PAK5: variants seen among roughly 807,000 people sequenced by gnomAD.
The protein encoded by PAK5 is p21 (RAC1) activated kinase 5.
PAK5 carries 16 observed loss-of-function variants against 65.9 expected under a neutral mutation model. The ratio of observed to expected loss-of-function variants is 0.24; its 90% confidence interval spans 0.16 to 0.37. PAK5 has a LOEUF of 0.37. PAK5 is among the 10% of genes least tolerant of loss of function. The probability of loss-of-function intolerance (pLI) is 1.00; values close to 1 mark genes in which losing one functional copy is unlikely to be tolerated. For missense variants in PAK5, 785 were observed against 903.9 expected (o/e 0.87, Z 1.69); for synonymous variants, 371 against 354.9 (o/e 1.05, Z -0.51).
At chr20:9,579,737 T>C (rs1239731333) in intron 4 of PAK5, among the ~76,000 whole-genome samples, 2 of 152,230 alleles carry the variant, frequency 1.3e-5, no homozygotes, top group Non-Finnish European at 2.9e-5. Context: ...AGCAGGTCTA[T>C]GCAAACTTTG....
intron 1 of PAK5, among the ~76,000 whole-genome samples, chr20:9,802,879 T>C (rs1411522704): frequency 2.1e-5 from 3 of 143,746 alleles, no homozygotes; most frequent in Admixed American, 7.0e-5. Flanking sequence ...ATTTTCATTT[T>C]ATTCCCTTCT....
chr20:9,627,965 T>C (rs1417394749), intron 3 of PAK5, among the ~76,000 whole-genome samples: 2 of 152,228 alleles, frequency 1.3e-5, no homozygotes, highest in African/African-American at 4.8e-5. Context: ...GAACTCACAC[T>C]TGTACGGTTT....
intron 2 of PAK5, among the ~76,000 whole-genome samples, chr20:9,672,242 G>A (rs1015581458): frequency 6.6e-6 from 1 of 150,880 alleles, no homozygotes; most frequent in Non-Finnish European, 1.5e-5. Context: ...AACTGGAAAT[G>A]CAACCCATTT....
In PAK5 at chr20:9,625,798, T is replaced by C. The variant is rs1207563920; in HGVS notation, c.204+18327A>G. 2.0e-5 allele frequency among the ~76,000 whole-genome samples: 3 copies of C among 152,236 alleles called. No homozygotes were observed. In the East Asian group the frequency reaches 5.8e-4, roughly 29 times the overall value. On this transcript the variant is annotated intron_variant, in intron 3 of 9. Transcript: ENST00000353224. ...AGCTTTGCTGGTTGCTGACAATTTA[T>C]AGGCTTGTCAATTCCTTGGCTTTAT...
At chr20:9,581,991 T>C (rs1327825311) in intron 3 of PAK5, among the ~76,000 whole-genome samples, 1 of 152,224 alleles carries the variant, frequency 6.6e-6, no homozygotes, top group South Asian at 2.1e-4. Flanking sequence ...GATCTATCCA[T>C]GGTGAAACAA....
chr20:9,574,562 G>A (rs1433860261), intron 4 of PAK5, among the ~76,000 whole-genome samples: 10 of 152,204 alleles, frequency 6.6e-5, no homozygotes, highest in Non-Finnish European at 1.5e-4. Context: ...AGAGAGCTAG[G>A]AACGGACAAT....
intron 1 of PAK5, among the ~76,000 whole-genome samples, chr20:9,717,705 T>C (rs2048166049): frequency 1.3e-5 from 2 of 152,196 alleles, no homozygotes; most frequent in South Asian, 4.1e-4. Context: ...TTGCAACCTC[T>C]GCCTCCCAGG....
rs941406923 is a variant in PAK5, at chr20:9,838,534, G to A, written c.-162+228C>T. 4.6e-5 allele frequency among the ~76,000 whole-genome samples: 7 copies of A among 152,180 alleles called. No homozygotes were observed. The highest frequency in any genetic ancestry group is 1.7e-4 in the African/African-American group (7 of 41,462). ...GTTGGTAGAGAGCCCAGGCTGGATA[G>A]TAGCGCATGGGTTGAGGGTGGGCGG... On this transcript the variant is annotated intron_variant, in intron 1 of 9. Coordinates refer to ENST00000353224, the MANE Select transcript of PAK5 (RefSeq NM_177990.4). This position sits in a 1 kb window ranked among gnomAD's most constrained non-coding sequence, Gnocchi z 4.5.
chr20:9,745,937 G>C (rs1380537105), intron 1 of PAK5, among the ~76,000 whole-genome samples: 1 of 151,976 alleles, frequency 6.6e-6, no homozygotes. Context: ...CAGTACTTGT[G>C]GCCTCAGCTT....
intron 2 of PAK5, among the ~76,000 whole-genome samples, chr20:9,680,196 A>C (rs2047630837): frequency 6.6e-6 from 1 of 152,222 alleles, no homozygotes; most frequent in African/African-American, 2.4e-5. Context: ...TGCCACAGAG[A>C]TAAAAGCATA....
chr20:9,571,437 A>C (rs886618431), intron 4 of PAK5, among the ~76,000 whole-genome samples: 2 of 152,218 alleles, frequency 1.3e-5, no homozygotes, highest in African/African-American at 4.8e-5. Flanking sequence ...ACTGCCCCCA[A>C]GCAATGCAGG....
intron 4 of PAK5, among the ~76,000 whole-genome samples, chr20:9,570,571 A>G (rs2045763395): frequency 9.2e-6 from 1 of 109,016 alleles, no homozygotes; most frequent in Non-Finnish European, 1.7e-5. Context: ...AAACAACTGG[A>G]TTCTTCCTTC....
chr20:9,761,507 C>A (rs1217224667), intron 1 of PAK5, among the ~76,000 whole-genome samples: 2 of 152,090 alleles, frequency 1.3e-5, no homozygotes, highest in Non-Finnish European at 1.5e-5. Context: ...TATCAAAATT[C>A]CAATGGCAAT....
At chr20:9,757,395 G>T (rs966844989) in intron 1 of PAK5, among the ~76,000 whole-genome samples, 83 of 152,174 alleles carry the variant, frequency 5.5e-4, no homozygotes, top group African/African-American at 1.9e-3. Flanking sequence ...AAAATATGAT[G>T]AATATAAAAA....
At chr20:9,710,619 C>T (rs1007921824) in intron 2 of PAK5, among the ~76,000 whole-genome samples, 22 of 152,124 alleles carry the variant, frequency 1.4e-4, no homozygotes, top group Non-Finnish European at 2.6e-4. Context: ...GGGGTAGTAC[C>T]CATGTGTGGG....
At chr20:9,700,418 A>T (rs1405437375) in intron 2 of PAK5, among the ~76,000 whole-genome samples, 1 of 152,124 alleles carries the variant, frequency 6.6e-6, no homozygotes, top group Non-Finnish European at 1.5e-5. Flanking sequence ...CTCAAAACAA[A>T]AGTGTGTTCT....
At chr20:9,586,231 A>G (rs1382908975) in intron 3 of PAK5, among the ~76,000 whole-genome samples, 2 of 152,138 alleles carry the variant, frequency 1.3e-5, no homozygotes, top group Non-Finnish European at 2.9e-5. Context: ...TTAGAAATTC[A>G]CCACTAGGAC....
chr20:9,653,820 CT>C (rs1220614533), intron 2 of PAK5, among the ~76,000 whole-genome samples: 1 of 152,182 alleles, frequency 6.6e-6, no homozygotes, highest in African/African-American at 2.4e-5. Context: ...GGGTATGTCC[CT>C]TTCTGGAGTC....
chr20:9,618,125 C>T (rs2046694427), intron 3 of PAK5, among the ~76,000 whole-genome samples: 1 of 152,110 alleles, frequency 6.6e-6, no homozygotes, highest in Non-Finnish European at 1.5e-5. Context: ...GTGGCTCTCA[C>T]ACAACTAGAT....
Sources: gnomAD v4.1 joint callset for allele counts (sites outside exome capture counted in the v4.1 genomes callset) on GRCh38, gnomAD v4.1.1 for gene constraint, Gnocchi (gnomAD v3.1) non-coding constraint, MANE v1.5 for transcripts, NCBI Gene and HGNC (gene_info 2026-07-23, HGNC 2026-07-21) for gene names.